Variants in ACTR10 observed in about 807,000 individuals in gnomAD.
ACTR10 encodes the protein actin-related protein 10.
ACTR10 carries 43 observed loss-of-function variants against 56.2 expected under a neutral mutation model. The ratio of observed to expected loss-of-function variants is 0.77; its 90% CI spans 0.60 to 0.99. The LOEUF (loss-of-function observed/expected upper bound fraction) is 0.99, where lower values mean the gene tolerates loss of function less well. ACTR10 is among the 50% of genes least tolerant of loss of function. The pLI is 0.00. For missense variants in ACTR10, 466 were observed against 507.8 expected, an observed-to-expected ratio of 0.92 and a Z score of 0.79; for synonymous variants, 170 against 176.3, an observed-to-expected ratio of 0.96 and a Z score of 0.28.
rs897966889 is a variant in ACTR10 at position 58,215,320 on chromosome 14, ACT to A, written c.598+41_598+42del. 3.7e-6 allele frequency: 5 copies of A among 1,365,954 alleles called. No homozygotes were observed. The African/African-American group carries it at 5.9e-5, about 16-fold the overall frequency. The allele number at this position is 1,365,954 out of a possible 1,614,324, so 84.6% of individuals were successfully genotyped here. ...TTTAAGTGGTTTAGGAGTGGTTTAC[ACT>A]CTCTTTTTGTTCTTCAACTTGTATT... On this transcript the variant is annotated intron_variant, in intron 7 of 12. Transcript: ENST00000254286.
At chr14:58,217,008 C>G (rs1353007369) in intron 7 of ACTR10, among the ~76,000 whole-genome samples, 3 of 152,150 alleles carry the variant, frequency 2.0e-5, no homozygotes, top group African/African-American at 7.2e-5. Context: ...TCCTGTTGTT[C>G]CCTATTGATA....
chr14:58,204,373 G>C (rs1888803735), intron 2 of ACTR10, among the ~76,000 whole-genome samples: 1 of 151,948 alleles, frequency 6.6e-6, no homozygotes, highest in Non-Finnish European at 1.5e-5. Context: ...GACAGAGCGA[G>C]ACTCCATCTC....
Position 58,207,953 on chromosome 14 carries a change from G to C in ACTR10, c.168G>C (p.Gln56His). Residue 56 changes from glutamine (Q) to histidine (H), a missense_variant, in exon 3 of 13, where the codon CAG (glutamine) becomes CAC (histidine). By Grantham distance (24) the Gln-to-His change is conservative. Coordinates refer to ENST00000254286, the MANE Select transcript of ACTR10 (RefSeq NM_018477.3). ...TTTTACAGCCTGTCAGAGTTGTTCA[G>C]TATAATATCAATACAGAAGAATTAT... ...AGMPKPVRVV[Q>H]YNINTEELYS... is the part of the protein sequence containing the mutation. 1 of 1,502,970 alleles carries C rather than the reference G, an allele frequency of 6.7e-7. No individual in the cohort carries two copies. The highest frequency in any genetic ancestry group is 8.8e-7 in the Non-Finnish European group (1 of 1,131,664). 93.1% of individuals were successfully genotyped at this position (1,502,970 alleles called of 1,614,324 possible).
At chr14:58,228,493 A>G (rs1889453245) in intron 10 of ACTR10, among the ~76,000 whole-genome samples, 1 of 151,960 alleles carries the variant, frequency 6.6e-6, no homozygotes, top group Admixed American at 6.6e-5. Context: ...GTGGTGGCAC[A>G]GGCCTGTAAT....
intron 8 of ACTR10, among the ~76,000 whole-genome samples, chr14:58,222,402 C>A (rs1277800209): frequency 2.6e-5 from 4 of 152,094 alleles, no homozygotes; most frequent in Non-Finnish European, 4.4e-5. Flanking sequence ...TTGGGGTGTG[C>A]TAATGAGGAA....
intron 10 of ACTR10, among the ~76,000 whole-genome samples, chr14:58,226,287 A>T (rs984289949): frequency 2.0e-5 from 3 of 151,528 alleles, no homozygotes; most frequent in Admixed American, 6.6e-5. Context: ...TATTAAAAAA[A>T]TTTTTTTGTA....
At position 58,219,439 on chromosome 14, in the gene ACTR10, CTATT is replaced by C. The variant is rs754584100; in HGVS notation, c.599-250_599-247del. On this transcript the variant is annotated intron_variant, in intron 7 of 12. Coordinates refer to ENST00000254286, the MANE Select transcript of ACTR10 (RefSeq NM_018477.3). ...AAATATGTTAGCACATTACTGACAACTATTTATTATCACCAGAAAGATAAACTTG... is the reference window on the plus strand; with the variant it reads ...AAATATGTTAGCACATTACTGACAACTATTATCACCAGAAAGATAAACTTG... The C allele has an allele frequency of 2.5e-5, 8 of 316,864 alleles. No individual in the cohort carries two copies. In the East Asian group the frequency reaches 3.7e-4, roughly 15 times the overall value. 19.6% of individuals were successfully genotyped at this position (316,864 alleles called of 1,614,324 possible).
At chr14:58,224,187 A>G (rs1889346682) in intron 10 of ACTR10, among the ~76,000 whole-genome samples, 1 of 151,828 alleles carries the variant, frequency 6.6e-6, no homozygotes, top group Non-Finnish European at 1.5e-5. Context: ...TTTTTAGTAG[A>G]GACAGGTTTC....
In ACTR10 at chr14:58,232,068, T is replaced by C. The variant is rs571872623; in HGVS notation, c.873T>C (p.Cys291=). 10 of 1,611,046 alleles carry C rather than the reference T, an allele frequency of 6.2e-6. No individual in the cohort carries two copies. Among genetic ancestry groups the C allele is most frequent in the Non-Finnish European group, 7.6e-6 (9 of 1,177,854 alleles). Residue 291 remains cysteine, a splice_region_variant and synonymous_variant, in exon 12 of 13, where the codon TGT becomes TGC. Coordinates refer to ENST00000254286, the MANE Select transcript of ACTR10 (RefSeq NM_018477.3). ...ATLILDSLIQ[C]PIDTRKQLAE... ...TCTTTTTTTCTTTTTAATAACAGTG[T>C]CCGATAGACACCAGGAAGCAACTAG...
At chr14:58,202,508 C>T (rs1888744860) in intron 1 of ACTR10, among the ~76,000 whole-genome samples, 3 of 151,352 alleles carry the variant, frequency 2.0e-5, no homozygotes, top group South Asian at 4.2e-4. Context: ...GGCGTGAACC[C>T]GGGAGGCGGA....
intron 5 of ACTR10, among the ~76,000 whole-genome samples, chr14:58,212,614 A>G (rs1048569381): frequency 7.9e-5 from 12 of 152,200 alleles, no homozygotes; most frequent in Admixed American, 2.6e-4. Flanking sequence ...CAACATGAGT[A>G]TTATTATTCT....
intron 10 of ACTR10, among the ~76,000 whole-genome samples, chr14:58,224,329 A>G (rs556758002): frequency 1.8e-4 from 27 of 149,848 alleles, no homozygotes; most frequent in African/African-American, 6.4e-4. Flanking sequence ...TTTTAAAAAT[A>G]AAAAAAAAAT....
rs1047753756 is a variant in ACTR10, at chr14:58,224,866, G to A, written c.788+1010G>A. Among the ~76,000 whole-genome samples, 4 of 151,874 alleles carry A rather than the reference G, an allele frequency of 2.6e-5. No individual in the cohort carries two copies. The South Asian group carries it at 8.3e-4, about 31-fold the overall frequency. On this transcript the variant is annotated intron_variant, in intron 10 of 12. Transcript: ENST00000254286. ...TAGCCAGCTGTGGTAGCACATGCCC[G>A]TAATCCCAGCTACTCAGGAGGCTGA...
At chr14:58,223,946 G>T in intron 10 of ACTR10, 90 bp downstream of exon 10, 1 of 995,384 alleles carries the variant, frequency 1.0e-6, no homozygotes. Context: ...TTTCACTATT[G>T]CCATTTTAAC....
rs1888907923 is a variant in ACTR10 at position 58,208,016 on chromosome 14, C to A, written c.231C>A (p.Phe77Leu). The A allele has an allele frequency of 1.3e-6, 2 of 1,503,840 alleles. No individual in the cohort carries two copies. The highest frequency in any genetic ancestry group is 1.5e-5 in the African/African-American group (1 of 67,864). The allele number at this position is 1,503,840 out of a possible 1,614,324, so 93.2% of individuals were successfully genotyped here. ...AGGAATTCATCCACATACTATATTT[C>A]AGGTAAGATACATTTTGTTTTCTAG... is the stretch of plus-strand genomic sequence containing the variant. ...YLKEFIHILY[F>L]RHLLVNPRDR... The change falls in exon 3 of 13, where the codon TTC (phenylalanine) becomes TTA (leucine). Residue 77 changes from phenylalanine (F) to leucine (L), a missense_variant and splice_region_variant. By Grantham distance (22) the Phe-to-Leu change is conservative (BLOSUM62 0). Coordinates refer to ENST00000254286, the MANE Select transcript of ACTR10 (RefSeq NM_018477.3).
At chr14:58,207,915 A>C (rs1311033749) in intron 2 of ACTR10, 21 bp from the exon 3 acceptor site, 1 of 1,334,006 alleles carries the variant, frequency 7.5e-7, no homozygotes, top group African/African-American at 1.5e-5. Flanking sequence ...TAAATTAATA[A>C]ATCATTTTAA....
chr14:58,205,744 G>A (rs1484355446), intron 2 of ACTR10, among the ~76,000 whole-genome samples: 1 of 152,104 alleles, frequency 6.6e-6, no homozygotes, highest in Non-Finnish European at 1.5e-5. Context: ...GATGGAAGCC[G>A]GGTGTGGTCT....
chr14:58,214,054 A>T lies in ACTR10; in HGVS notation c.518+356A>T, dbSNP rs1190034450. On this transcript the variant is annotated intron_variant, in intron 6 of 12. Coordinates refer to ENST00000254286, the MANE Select transcript of ACTR10 (RefSeq NM_018477.3). ...TACTCTTTACATGATTTTAAAATGT[A>T]CAATTAAGTTATTATTGTCTACAGT... is the stretch of plus-strand genomic sequence containing the variant. Among the ~76,000 whole-genome samples the T allele has an allele frequency of 2.0e-5, 3 of 152,342 alleles. No individual in the cohort carries two copies. In the East Asian group the frequency reaches 5.8e-4, roughly 29 times the overall value.
rs370149235 is a variant in ACTR10 at position 58,206,871 on chromosome 14, G to A, written c.151-1065G>A. On this transcript the variant is annotated intron_variant, in intron 2 of 12. Coordinates refer to ENST00000254286, the MANE Select transcript of ACTR10 (RefSeq NM_018477.3). ...GCCAGAAATAGTTCTTGTGCATAGA[G>A]CTTATAATCTAGCAGAAAGGGGGAC... is the stretch of plus-strand genomic sequence containing the variant. Among the ~76,000 whole-genome samples, 49 of 152,292 alleles carry A rather than the reference G, an allele frequency of 3.2e-4. 1 individual carries two copies. Among genetic ancestry groups the A allele is most frequent in the African/African-American group, 1.2e-3 (49 of 41,560 alleles).
Sources: gnomAD v4.1 joint callset for allele counts (sites outside exome capture counted in the v4.1 genomes callset) on GRCh38, gnomAD v4.1.1 for gene constraint, MANE v1.5 for transcripts, NCBI Gene and HGNC (gene_info 2026-07-23, HGNC 2026-07-21) for gene names.